GDA: variants seen among roughly 807,000 people sequenced by gnomAD.
GDA encodes guanine deaminase.
A neutral mutation model predicts 59.6 loss-of-function variants in GDA; 18 were observed. That is an observed-to-expected ratio of 0.30 (90% CI 0.21 to 0.45). GDA has a LOEUF of 0.45. GDA is among the 20% of genes least tolerant of loss of function. The probability of loss-of-function intolerance (pLI) is 1.00; values close to 1 mark genes in which losing one functional copy is unlikely to be tolerated. For missense variants in GDA, 427 were observed against 552.3 expected (o/e 0.77, Z 2.27); for synonymous variants, 201 against 201.1 (o/e 1.00, Z 0.00).
Position 72,250,196 on chromosome 9 carries a change from G to A in GDA, c.*1854G>A. On this transcript the variant is annotated 3_prime_UTR_variant, in exon 14 of 14. Coordinates refer to ENST00000358399, the MANE Select transcript of GDA (RefSeq NM_004293.5). The stretch of plus-strand genomic sequence containing the variant: ...TGCCAAAGGAACTTGATTACATGGT[G>A]TCTAACCAAATGAGCAGGCTTAGGA... The A allele has an allele frequency of 2.0e-6, 2 of 985,040 alleles. No homozygotes were observed. The highest frequency in any genetic ancestry group is 2.4e-6 in the Non-Finnish European group (2 of 829,560). 61.0% of individuals were successfully genotyped at this position (985,040 alleles called of 1,614,324 possible).
At chr9:72,236,774 C>CTTTTTTTTTTTTTTTTTTTTT (rs1564168629) in intron 10 of GDA, among the ~76,000 whole-genome samples, 2 of 127,594 alleles carry the variant, frequency 1.6e-5, no homozygotes. Flanking sequence ...AAAACCACTC[C>CTTTTTTTTTTTTTTTTTTTTT]TATTTTTTTT....
At chr9:72,205,005 A>C (rs1834494793) in intron 3 of GDA, among the ~76,000 whole-genome samples, 1 of 150,648 alleles carries the variant, frequency 6.6e-6, no homozygotes, top group Non-Finnish European at 1.5e-5. Context: ...TCAGCTACTC[A>C]GGAGGCTGAG....
intron 1 of GDA, among the ~76,000 whole-genome samples, chr9:72,156,152 G>A (rs889064447): frequency 6.6e-6 from 1 of 152,328 alleles, no homozygotes; most frequent in Non-Finnish European, 1.5e-5. Context: ...GTATGTAAAT[G>A]TGTGTAAATA....
chr9:72,225,909 T>A (rs1169157091), intron 8 of GDA, 125 bp downstream of exon 8: 1 of 550,470 alleles, frequency 1.8e-6, no homozygotes, highest in African/African-American at 1.9e-5. Context: ...TTTTAAAGTT[T>A]TAATTTTTGT....
At chr9:72,199,416 G>A (rs897419535) in intron 2 of GDA, among the ~76,000 whole-genome samples, 15 of 152,114 alleles carry the variant, frequency 9.9e-5, no homozygotes, top group Admixed American at 7.9e-4. Context: ...AAATCCTTGC[G>A]CTTCTGTTGC....
At chr9:72,173,079 C>G (rs1563935129) in intron 1 of GDA, among the ~76,000 whole-genome samples, 3 of 152,202 alleles carry the variant, frequency 2.0e-5, no homozygotes, top group Non-Finnish European at 4.4e-5. Flanking sequence ...CACGCAGATT[C>G]TCTCACATTT....
Position 72,206,778 on chromosome 9 carries a change from AATAATTATT to A in GDA, c.385-3900_385-3892del, listed in dbSNP as rs528487438. ...CAGAGTGAGACTCCATCTCAATAATAATAATTATTATAATTATAATTTAACAATGAGCTT... is the reference window on the plus strand; with the variant it reads ...CAGAGTGAGACTCCATCTCAATAATAATAATTATAATTTAACAATGAGCTT... On this transcript the variant is annotated intron_variant, in intron 3 of 13. Coordinates refer to ENST00000358399, the MANE Select transcript of GDA (RefSeq NM_004293.5). Among the ~76,000 whole-genome samples, 165 of 152,164 alleles carry A rather than the reference AATAATTATT, an allele frequency of 1.1e-3. 1 individual carries two copies. The highest frequency in any genetic ancestry group is 3.8e-3 in the African/African-American group (159 of 41,530).
intron 1 of GDA, among the ~76,000 whole-genome samples, chr9:72,193,393 G>T (rs534733900): frequency 6.6e-6 from 1 of 152,366 alleles, no homozygotes; most frequent in South Asian, 2.1e-4. Context: ...GTAGTGCCTT[G>T]ATGGTCCTGA....
chr9:72,134,471 G>T (rs1215806055), intron 1 of GDA, among the ~76,000 whole-genome samples: 1 of 150,664 alleles, frequency 6.6e-6, no homozygotes. Context: ...GTGTGATCTC[G>T]GCTCACTGCA....
rs1286507692 is a variant in GDA at position 72,174,743 on chromosome 9, G to GTT, written c.124-20756_124-20755dup. On this transcript the variant is annotated intron_variant, in intron 1 of 13. Coordinates refer to ENST00000358399, the MANE Select transcript of GDA (RefSeq NM_004293.5). The stretch of plus-strand genomic sequence containing the variant: ...AGGTTATATATTGGGAACTGTTGAG[G>GTT]TTATATATATATATATATAGAGAGA... Among the ~76,000 whole-genome samples the GTT allele has an allele frequency of 2.6e-4, 39 of 148,100 alleles. No homozygotes were observed. The South Asian group carries it at 2.8e-3, about 10-fold the overall frequency.
chr9:72,182,087 AT>A (rs1470125977), intron 1 of GDA, among the ~76,000 whole-genome samples: 2 of 150,848 alleles, frequency 1.3e-5, no homozygotes, highest in East Asian at 3.9e-4. Context: ...TGGAGTCTAA[AT>A]ACTTTATTTT....
rs572297925 is a variant in GDA, at chr9:72,244,069, C to T, written c.1136-1079C>T. ...GTGGGTGCCTGTAGTCCTAGCTACT[C>T]GGGAGGCTGAGGCAGGAGAATGGTG... On this transcript the variant is annotated intron_variant, in intron 11 of 13. Transcript: ENST00000358399. 1.2e-4 allele frequency among the ~76,000 whole-genome samples: 18 copies of T among 151,318 alleles called. No individual in the cohort carries two copies. The South Asian group carries it at 3.6e-3, about 30-fold the overall frequency.
At chr9:72,150,171 A>G (rs1263103841) in intron 1 of GDA, among the ~76,000 whole-genome samples, 1 of 152,238 alleles carries the variant, frequency 6.6e-6, no homozygotes, top group East Asian at 1.9e-4. Context: ...TAGAATAAAT[A>G]GAACTGATTA....
In GDA at chr9:72,195,491, C is replaced by T. The variant is rs760923471; in HGVS notation, c.124-9C>T. ...TGTGTTTCTTTTCTTTTCTTTCTTT[C>T]TTTTAAAGATAGTGTTTTTAGAAGA... On this transcript the variant is annotated splice_polypyrimidine_tract_variant and intron_variant, in intron 1 of 13. Transcript: ENST00000358399. 7.8e-7 allele frequency: 1 copy of T among 1,281,430 alleles called. No homozygotes were observed. The highest frequency in any genetic ancestry group is 1.1e-6 in the Non-Finnish European group (1 of 895,662). The allele number at this position is 1,281,430 out of a possible 1,614,324, so 79.4% of individuals were successfully genotyped here.
At chr9:72,231,564 CAA>C (rs879269541) in intron 10 of GDA, among the ~76,000 whole-genome samples, 8 of 107,870 alleles carry the variant, frequency 7.4e-5, no homozygotes, top group Non-Finnish European at 6.0e-5. Flanking sequence ...GACTCTGTCT[CAA>C]AAAAAAAAAA....
intron 1 of GDA, among the ~76,000 whole-genome samples, chr9:72,165,196 A>G (rs1829147258): frequency 6.6e-6 from 1 of 152,214 alleles, no homozygotes; most frequent in African/African-American, 2.4e-5. Context: ...GACGTTTCAA[A>G]AGTTAAGAAA....
intron 4 of GDA, among the ~76,000 whole-genome samples, chr9:72,213,475 T>A (rs2131464059): frequency 6.6e-6 from 1 of 152,250 alleles, no homozygotes; most frequent in South Asian, 2.1e-4. Flanking sequence ...CCATATATGA[T>A]TTTAATTTAA....
chr9:72,254,581 T>G (rs1245855950), downstream of GDA, among the ~76,000 whole-genome samples: 1 of 152,160 alleles, frequency 6.6e-6, no homozygotes, highest in Non-Finnish European at 1.5e-5. Context: ...CCCAAAGTCA[T>G]AAGCAGTCAA....
chr9:72,176,263 C>G (rs879478773), intron 1 of GDA, among the ~76,000 whole-genome samples: 1 of 152,184 alleles, frequency 6.6e-6, no homozygotes, highest in Non-Finnish European at 1.5e-5. Context: ...TGTTCTTACC[C>G]TATGACTAGA....
Sources: gnomAD v4.1 joint callset for allele counts (sites outside exome capture counted in the v4.1 genomes callset) on GRCh38, gnomAD v4.1.1 for gene constraint, MANE v1.5 for transcripts, NCBI Gene and HGNC (gene_info 2026-07-23, HGNC 2026-07-21) for gene names.